Variants in PTPRG observed in about 807,000 individuals in gnomAD.
The protein encoded by PTPRG is protein tyrosine phosphatase receptor type G.
PTPRG carries 102 observed loss-of-function variants against 165.3 expected under a neutral mutation model. The ratio of observed to expected loss-of-function variants is 0.62; its 90% CI spans 0.53 to 0.73. The LOEUF (loss-of-function observed/expected upper bound fraction) is 0.73. Among genes scored for constraint, PTPRG ranks in the 30% least tolerant of loss-of-function variants. The pLI is 0.00. For missense variants in PTPRG, 1,866 were observed against 1,861.4 expected, an observed-to-expected ratio of 1.00 and a Z score of -0.05; for synonymous variants, 675 against 669.5, an observed-to-expected ratio of 1.01 and a Z score of -0.13.
chr3:61,604,042 AT>A (rs1279852935), intron 1 of PTPRG, among the ~76,000 whole-genome samples: 1 of 152,176 alleles, frequency 6.6e-6, no homozygotes, highest in African/African-American at 2.4e-5. Context: ...TTGTCAACAT[AT>A]GCCTGTAAAC....
At chr3:61,965,928 C>T (rs2040261134) in intron 2 of PTPRG, among the ~76,000 whole-genome samples, 1 of 152,218 alleles carries the variant, frequency 6.6e-6, no homozygotes, top group Admixed American at 6.5e-5. Context: ...CTTTATTGAA[C>T]TTGTCATCTA....
intron 4 of PTPRG, among the ~76,000 whole-genome samples, chr3:62,031,220 T>C (rs905464499): frequency 6.6e-6 from 1 of 152,166 alleles, no homozygotes; most frequent in East Asian, 1.9e-4. Flanking sequence ...ATACAACAGG[T>C]GACCTGAAGG....
intron 5 of PTPRG, among the ~76,000 whole-genome samples, chr3:62,125,057 G>T (rs1023644886): frequency 2.0e-5 from 3 of 152,082 alleles, no homozygotes; most frequent in African/African-American, 7.2e-5. Context: ...TGAGTTTAAG[G>T]AGCCAGTGCT....
At chr3:61,638,618 TG>T (rs34118063) in intron 1 of PTPRG, among the ~76,000 whole-genome samples, 1 of 116,294 alleles carries the variant, frequency 8.6e-6, no homozygotes, top group Non-Finnish European at 1.7e-5. Flanking sequence ...TTTTTTTTTT[TG>T]GGGTAGAGGG....
intron 2 of PTPRG, among the ~76,000 whole-genome samples, chr3:61,817,191 A>G (rs898967134): frequency 5.1e-5 from 4 of 79,176 alleles, no homozygotes; most frequent in African/African-American, 1.7e-4. Flanking sequence ...TATATAAAAT[A>G]ATATATATAA....
chr3:61,771,152 T>C (rs2034195449), intron 2 of PTPRG: 1 of 152,158 alleles, frequency 6.6e-6, no homozygotes, highest in Non-Finnish European at 1.5e-5. Flanking sequence ...TGCAGAACAA[T>C]GTCTTCAAAA....
intron 2 of PTPRG, among the ~76,000 whole-genome samples, chr3:61,938,284 C>T (rs1479028396): frequency 6.7e-6 from 1 of 148,366 alleles, no homozygotes; most frequent in Non-Finnish European, 1.5e-5. Context: ...GGTTGGATAA[C>T]CACATGATAC....
At chr3:62,088,438 C>G (rs1182562395) in intron 5 of PTPRG, among the ~76,000 whole-genome samples, 2 of 152,202 alleles carry the variant, frequency 1.3e-5, no homozygotes, top group Non-Finnish European at 2.9e-5. Flanking sequence ...AATCCCAGTC[C>G]TAAGAACTCC....
At chr3:62,205,987 G>T (rs1204548439) in intron 12 of PTPRG, among the ~76,000 whole-genome samples, 1 of 152,156 alleles carries the variant, frequency 6.6e-6, no homozygotes, top group Non-Finnish European at 1.5e-5. Flanking sequence ...GAAGACAGGT[G>T]GTGGACTTGG....
At chr3:62,131,614 G>A (rs1703517382) in intron 5 of PTPRG, among the ~76,000 whole-genome samples, 1 of 152,076 alleles carries the variant, frequency 6.6e-6, no homozygotes, top group Admixed American at 6.6e-5. Flanking sequence ...CTATCAATGG[G>A]GGATGGGGGA....
chr3:62,061,668 G>A (rs1483932270), intron 4 of PTPRG, among the ~76,000 whole-genome samples: 3 of 146,552 alleles, frequency 2.0e-5, no homozygotes, highest in Non-Finnish European at 4.5e-5. Flanking sequence ...TCGCTCTGTC[G>A]CCCAGGCCGG....
At chr3:61,651,052 T>C (rs147963197) in intron 1 of PTPRG, among the ~76,000 whole-genome samples, 143 of 152,274 alleles carry the variant, frequency 9.4e-4, no homozygotes, top group African/African-American at 3.3e-3. Context: ...GTGTGTATGT[T>C]TATATTTTTT....
intron 1 of PTPRG, among the ~76,000 whole-genome samples, chr3:61,746,653 G>C (rs1408474192): frequency 6.6e-6 from 1 of 152,114 alleles, no homozygotes; most frequent in Non-Finnish European, 1.5e-5. Flanking sequence ...ACTGGCCAGT[G>C]TGCCCATACC....
intron 2 of PTPRG, chr3:61,749,508 C>T (rs561697037): frequency 4.4e-5 from 9 of 206,168 alleles, no homozygotes; most frequent in Non-Finnish European, 8.9e-5. Flanking sequence ...TTTACTTTTA[C>T]CCTTTTGAGC....
intron 3 of PTPRG, among the ~76,000 whole-genome samples, chr3:61,999,096 G>GATCC (rs933282597): frequency 1.3e-5 from 2 of 152,108 alleles, no homozygotes; most frequent in African/African-American, 4.8e-5. Flanking sequence ...ACCTAGGCTG[G>GATCC]AGTGCAGTGG....
chr3:62,123,052 A>G lies in PTPRG; in HGVS notation c.616-9550A>G, dbSNP rs117817031. On this transcript the variant is annotated intron_variant, in intron 5 of 29. Transcript: ENST00000474889. ...ATCTACTGATATGGAGCAAATTACT[A>G]CAAACTCAGCAGCTTAAAATAACAC... Among the ~76,000 whole-genome samples, 95 of 152,322 alleles carry G rather than the reference A, an allele frequency of 6.2e-4. 3 individuals are homozygous for G. The East Asian group carries it at 0.016, about 26-fold the overall frequency.
chr3:62,086,838 T>A (rs771515740), intron 5 of PTPRG, among the ~76,000 whole-genome samples: 1 of 151,910 alleles, frequency 6.6e-6, no homozygotes, highest in Non-Finnish European at 1.5e-5. Context: ...ATGTACAACA[T>A]TGAATTTATA....
intron 4 of PTPRG, among the ~76,000 whole-genome samples, chr3:62,064,638 G>A (rs188780753): frequency 8.0e-5 from 12 of 150,350 alleles, no homozygotes; most frequent in African/African-American, 2.9e-4. Flanking sequence ...TATTAATATT[G>A]TGAATAAAGA....
At chr3:61,817,195 TATATAATA>T (rs1277687707) in intron 2 of PTPRG, among the ~76,000 whole-genome samples, 6 of 135,678 alleles carry the variant, frequency 4.4e-5, no homozygotes, top group Non-Finnish European at 6.1e-5. Context: ...TAAAATAATA[TATATAATA>T]ATATAATAAT....
Sources: gnomAD v4.1 joint callset for allele counts (sites outside exome capture counted in the v4.1 genomes callset) on GRCh38, gnomAD v4.1.1 for gene constraint, MANE v1.5 for transcripts, NCBI Gene and HGNC (gene_info 2026-07-23, HGNC 2026-07-21) for gene names.